The following PCCA variants were observed in gnomAD, a reference collection of about 807,000 sequenced individuals.
The protein encoded by PCCA is propionyl-CoA carboxylase alpha chain, mitochondrial.
A neutral mutation model predicts 101.3 loss-of-function variants in PCCA; 74 were observed. That is an observed-to-expected ratio of 0.73 (90% confidence interval 0.61 to 0.89). The LOEUF is 0.89. Ranked by LOEUF, PCCA falls within the 40% of genes least tolerant of loss-of-function variation. The probability of loss-of-function intolerance (pLI) is 0.00; values close to 1 mark genes in which losing one functional copy is unlikely to be tolerated. For missense variants in PCCA, 891 were observed against 907.0 expected, an observed-to-expected ratio of 0.98 and a Z score of 0.23; for synonymous variants, 294 against 313.6, an observed-to-expected ratio of 0.94 and a Z score of 0.66.
intron 2 of PCCA, among the ~76,000 whole-genome samples, chr13:100,106,503 C>A (rs538845384): frequency 6.6e-6 from 1 of 152,074 alleles, no homozygotes; most frequent in African/African-American, 2.4e-5. Context: ...CTCCACCTTC[C>A]GAGTTCAAGC....
At chr13:100,315,742 G>T (rs1595285453) in intron 16 of PCCA, among the ~76,000 whole-genome samples, 1 of 152,150 alleles carries the variant, frequency 6.6e-6, no homozygotes, top group Non-Finnish European at 1.5e-5. Context: ...CTGTGGCCTG[G>T]TGGTGATTTC....
At chr13:100,104,077 C>G (rs1320597098) in intron 2 of PCCA, among the ~76,000 whole-genome samples, 2 of 152,260 alleles carry the variant, frequency 1.3e-5, no homozygotes, top group Admixed American at 1.3e-4. Flanking sequence ...TGGTTTCATG[C>G]CTTCATGGCA....
intron 21 of PCCA, among the ~76,000 whole-genome samples, chr13:100,506,112 C>T (rs2086055896): frequency 6.6e-6 from 1 of 152,114 alleles, no homozygotes; most frequent in African/African-American, 2.4e-5. Flanking sequence ...CACAGTCGGG[C>T]CTGTTGGCTT....
chr13:100,119,388 T>C (rs2049140981), intron 4 of PCCA, among the ~76,000 whole-genome samples: 2 of 152,120 alleles, frequency 1.3e-5, no homozygotes, highest in Non-Finnish European at 2.9e-5. Flanking sequence ...TTCAAGATGG[T>C]TTGGGTTATG....
At chr13:100,118,556 T>C (rs1191602661) in intron 4 of PCCA, among the ~76,000 whole-genome samples, 1 of 152,152 alleles carries the variant, frequency 6.6e-6, no homozygotes, top group Non-Finnish European at 1.5e-5. Flanking sequence ...TCTTTCTTTT[T>C]TTCTTTTTTT....
rs138486792 is a variant in PCCA at position 100,372,906 on chromosome 13, A to G, written c.1746+4332A>G. ...AGGTGCATGCCACCACACTTGGCTAATTTTTTTTTGTATTTTTAGTAGAGA... is the reference window on the plus strand; with the variant it reads ...AGGTGCATGCCACCACACTTGGCTAGTTTTTTTTTGTATTTTTAGTAGAGA... On this transcript the variant is annotated intron_variant, in intron 19 of 23. Transcript: ENST00000376285. 2.1e-3 allele frequency among the ~76,000 whole-genome samples: 322 copies of G among 151,194 alleles called. 4 individuals are homozygous for G. In the East Asian group the frequency reaches 0.038, roughly 18 times the overall value.
chr13:100,121,953 G>C (rs186633336), intron 4 of PCCA, among the ~76,000 whole-genome samples: 67 of 152,286 alleles, frequency 4.4e-4, no homozygotes, highest in African/African-American at 1.6e-3. Context: ...AAAGCATTCA[G>C]CATTTCACCC....
intron 21 of PCCA, chr13:100,480,278 T>C (rs982309165): frequency 3.3e-5 from 5 of 152,212 alleles, no homozygotes; most frequent in African/African-American, 1.2e-4. Flanking sequence ...TATTGAGTAC[T>C]GTGTTTCCTT....
chr13:100,156,152 C>T (rs2053864006), intron 5 of PCCA, among the ~76,000 whole-genome samples: 1 of 152,178 alleles, frequency 6.6e-6, no homozygotes, highest in Non-Finnish European at 1.5e-5. Flanking sequence ...ACTGCAACCT[C>T]TGTCCCGCCA....
chr13:100,431,782 T>C (rs2079566930), intron 20 of PCCA, among the ~76,000 whole-genome samples: 1 of 151,890 alleles, frequency 6.6e-6, no homozygotes, highest in South Asian at 2.1e-4. Flanking sequence ...AGGAGAATGG[T>C]GTGAACCCAG....
chr13:100,298,071 T>A (rs1382511075), intron 12 of PCCA, among the ~76,000 whole-genome samples: 1 of 152,084 alleles, frequency 6.6e-6, no homozygotes, highest in East Asian at 1.9e-4. Context: ...AAAACAGTGC[T>A]GTCTGGTGGA....
In PCCA at chr13:100,112,016, G is replaced by A. The variant is rs746776534; in HGVS notation, c.255G>A (p.Met85Ile). ...ACRVIRTCKK[M>I]GIKTVAIHSD... ...AGGTTATTAGAACTTGCAAGAAGAT[G>A]GGCATTAAGACAGTTGCCATCCACA... is the stretch of plus-strand genomic sequence containing the variant. Residue 85 changes from methionine to isoleucine, a missense_variant, in exon 4 of 24, where the codon ATG (methionine) becomes ATA (isoleucine). By Grantham distance (10) the Met-to-Ile change is conservative. Coordinates refer to ENST00000376285, the MANE Select transcript of PCCA (RefSeq NM_000282.4). The A allele has an allele frequency of 1.2e-6, 2 of 1,610,050 alleles. No individual in the cohort carries two copies. Among genetic ancestry groups the A allele is most frequent in the Non-Finnish European group, 1.7e-6 (2 of 1,177,846 alleles).
chr13:100,270,492 A>G (rs1004232180), intron 11 of PCCA, among the ~76,000 whole-genome samples: 1 of 152,226 alleles, frequency 6.6e-6, no homozygotes, highest in Admixed American at 6.5e-5. Flanking sequence ...TCTTTCCCAG[A>G]CTGGGAACCT....
intron 9 of PCCA, among the ~76,000 whole-genome samples, chr13:100,260,380 TG>T (rs2062404527): frequency 3.3e-4 from 1 of 3,004 alleles, no homozygotes; most frequent in South Asian, 0.12. Flanking sequence ...GCAAATTAGT[TG>T]TGTGTGTGTG....
chr13:100,375,948 T>G (rs1418272361), intron 19 of PCCA, among the ~76,000 whole-genome samples: 1 of 152,238 alleles, frequency 6.6e-6, no homozygotes, highest in African/African-American at 2.4e-5. Context: ...TGGAGGAAGA[T>G]GCACTGGTTT....
intron 21 of PCCA, among the ~76,000 whole-genome samples, chr13:100,509,826 T>TTTTTTGTTTTGTTTTG (rs142898031): frequency 2.6e-4 from 39 of 149,568 alleles, no homozygotes; most frequent in Middle Eastern, 3.4e-3. Flanking sequence ...TTTTGTGTTT[T>TTTTTTGTTTTGTTTTG]TTTTGTTTTG....
chr13:100,171,416 A>G (rs2055623493), intron 6 of PCCA, among the ~76,000 whole-genome samples: 1 of 152,112 alleles, frequency 6.6e-6, no homozygotes, highest in Non-Finnish European at 1.5e-5. Context: ...CTTCTCTGAG[A>G]GTGTGGCCTT....
intron 2 of PCCA, 84 bp from the exon 3 acceptor site, chr13:100,111,757 G>A (rs1385381187): frequency 9.7e-6 from 8 of 821,640 alleles, no homozygotes; most frequent in Non-Finnish European, 1.3e-5. Flanking sequence ...CAGTGTTGAT[G>A]TTGGAAAAAC....
chr13:100,426,139 C>A (rs868725058), intron 20 of PCCA, among the ~76,000 whole-genome samples: 9 of 152,058 alleles, frequency 5.9e-5, no homozygotes, highest in Admixed American at 3.3e-4. Flanking sequence ...GTTGACTTTC[C>A]ACAGCTCACT....
Sources: allele counts gnomAD v4.1 joint callset (sites outside exome capture counted in the v4.1 genomes callset), GRCh38; gene constraint gnomAD v4.1.1; transcripts MANE v1.5; gene names NCBI Gene and HGNC (gene_info 2026-07-23, HGNC 2026-07-21).